KLHL14: variants seen among roughly 807,000 people sequenced by gnomAD.
The protein encoded by KLHL14 is kelch like family member 14.
In KLHL14, 22 loss-of-function variants were observed where a neutral mutation model predicts 64.3. The observed-to-expected ratio is 0.34, with a 90% CI of 0.24 to 0.49. KLHL14 has a LOEUF of 0.49. Ranked by LOEUF, KLHL14 falls within the 20% of genes least tolerant of loss-of-function variation. KLHL14 has a pLI of 0.99. For missense variants in KLHL14, 661 were observed against 789.0 expected (o/e 0.84, Z 1.94); for synonymous variants, 322 against 333.4 (o/e 0.97, Z 0.37).
At chr18:32,698,411 GCTGT>G (rs1350825929) in intron 3 of KLHL14, among the ~76,000 whole-genome samples, 4 of 152,140 alleles carry the variant, frequency 2.6e-5, no homozygotes, top group African/African-American at 2.4e-5. Flanking sequence ...GAGATTAAAG[GCTGT>G]CTAATTTTAC....
intron 3 of KLHL14, among the ~76,000 whole-genome samples, chr18:32,702,002 T>A (rs2049968455): frequency 6.6e-6 from 1 of 152,246 alleles, no homozygotes. Flanking sequence ...CTAGTTAAAA[T>A]CTAAATCTTC....
rs189055825 is a variant in KLHL14 at position 32,765,406 on chromosome 18, T to C, written c.947+4239A>G. Among the ~76,000 whole-genome samples, 639 of 152,320 alleles carry C rather than the reference T, an allele frequency of 4.2e-3. 5 individuals carry two copies. Among genetic ancestry groups the C allele is most frequent in the African/African-American group, 0.015 (614 of 41,576 alleles). The stretch of plus-strand genomic sequence containing the variant: ...CCTCTATTTCAATACAAGGCATTAG[T>C]ATCCTTTTTAATTGCCTTCTGATTG... On this transcript the variant is annotated intron_variant, in intron 2 of 8. Coordinates refer to ENST00000359358, the MANE Select transcript of KLHL14 (RefSeq NM_020805.3).
chr18:32,758,194 C>T (rs1257567057), intron 2 of KLHL14, among the ~76,000 whole-genome samples: 1 of 152,064 alleles, frequency 6.6e-6, no homozygotes, highest in Non-Finnish European at 1.5e-5. Context: ...CCGATCACAG[C>T]TCACTGCAGC....
At chr18:32,686,659 C>T (rs755449106) in intron 5 of KLHL14, among the ~76,000 whole-genome samples, 5 of 151,876 alleles carry the variant, frequency 3.3e-5, no homozygotes, top group Non-Finnish European at 5.9e-5. Flanking sequence ...ACAAAATTTA[C>T]TATTGAGATG....
At chr18:32,696,154 C>T (rs752129902) in intron 3 of KLHL14, among the ~76,000 whole-genome samples, 7 of 152,154 alleles carry the variant, frequency 4.6e-5, no homozygotes, top group Non-Finnish European at 7.3e-5. Flanking sequence ...GCAGCACAAT[C>T]GCACATTCTC....
chr18:32,746,166 C>A (rs943459754), intron 2 of KLHL14, among the ~76,000 whole-genome samples: 1 of 152,108 alleles, frequency 6.6e-6, no homozygotes, highest in Non-Finnish European at 1.5e-5. Context: ...TTTACCCAAC[C>A]CAGACCAAAG....
chr18:32,680,274 T>C lies in KLHL14; in HGVS notation c.1483A>G (p.Met495Val), dbSNP rs2144465688. ...VPWLYCYDPV[M>V]DVWARKQDMN... is the part of the protein sequence containing the mutation. ...TCTTGTTTTCGAGCCCAGACATCCA[T>C]TACTGGGTCATAGCAATATAGCCAT... Residue 495 changes from methionine to valine, a missense_variant, in exon 7 of 9, where the codon ATG becomes GTG. Met to Val is a conservative substitution (Grantham distance 21, BLOSUM62 1). Transcript: ENST00000359358. This position sits in a 1 kb window ranked among gnomAD's most constrained non-coding sequence, Gnocchi z 4.8. 6.2e-7 allele frequency: 1 copy of C among 1,613,944 alleles called. No homozygotes were observed. The highest frequency in any genetic ancestry group is 8.5e-7 in the Non-Finnish European group (1 of 1,179,840).
intron 3 of KLHL14, among the ~76,000 whole-genome samples, chr18:32,707,274 G>A (rs541837545): frequency 2.0e-5 from 3 of 152,336 alleles, no homozygotes; most frequent in South Asian, 2.1e-4. Context: ...GCTTTTCTTC[G>A]TTTGCCCCAC....
chr18:32,724,659 A>G (rs538825168), intron 3 of KLHL14, among the ~76,000 whole-genome samples: 1 of 152,308 alleles, frequency 6.6e-6, no homozygotes, highest in African/African-American at 2.4e-5. Context: ...ACAGAGCACA[A>G]TGTCTTGTGT....
At chr18:32,719,254 C>T (rs2050063247) in intron 3 of KLHL14, among the ~76,000 whole-genome samples, 1 of 152,230 alleles carries the variant, frequency 6.6e-6, no homozygotes, top group Non-Finnish European at 1.5e-5. Flanking sequence ...AGCTGGAAAC[C>T]TGCACTTTCA....
At chr18:32,765,760 T>C (rs2050339489) in intron 2 of KLHL14, among the ~76,000 whole-genome samples, 1 of 152,126 alleles carries the variant, frequency 6.6e-6, no homozygotes, top group Non-Finnish European at 1.5e-5. Context: ...GGAAATGTAA[T>C]GGCATTTTAA....
At chr18:32,731,001 G>T (rs1252939038) in intron 3 of KLHL14, among the ~76,000 whole-genome samples, 1 of 152,094 alleles carries the variant, frequency 6.6e-6, no homozygotes, top group Non-Finnish European at 1.5e-5. Flanking sequence ...CTTAATCCCA[G>T]CTAAATGTGG....
intron 4 of KLHL14, among the ~76,000 whole-genome samples, chr18:32,690,902 T>A (rs569003713): frequency 6.6e-6 from 1 of 152,064 alleles, no homozygotes; most frequent in Admixed American, 6.6e-5. Context: ...TGAGTTTTAT[T>A]TGGGGACATA....
At chr18:32,758,889 C>T (rs1041157923) in intron 2 of KLHL14, among the ~76,000 whole-genome samples, 1 of 152,232 alleles carries the variant, frequency 6.6e-6, no homozygotes, top group African/African-American at 2.4e-5. Flanking sequence ...AGGCAAATCT[C>T]CGGTGACAGA....
At chr18:32,705,515 G>A (rs575179580) in intron 3 of KLHL14, among the ~76,000 whole-genome samples, 33 of 152,288 alleles carry the variant, frequency 2.2e-4, no homozygotes, top group South Asian at 6.2e-4. Context: ...TTGAGGCCAC[G>A]AGTTTGAGAC....
chr18:32,698,276 G>A (rs369841877), intron 3 of KLHL14, among the ~76,000 whole-genome samples: 4 of 152,186 alleles, frequency 2.6e-5, no homozygotes, highest in Non-Finnish European at 4.4e-5. Context: ...CAAGTGCCTC[G>A]CCCTCGCAAG....
At chr18:32,736,968 AT>A (rs912735389) in intron 3 of KLHL14, among the ~76,000 whole-genome samples, 5 of 152,034 alleles carry the variant, frequency 3.3e-5, no homozygotes, top group Admixed American at 2.0e-4. Flanking sequence ...GAGAGGAGAG[AT>A]TATCTTATGC....
chr18:32,708,746 CTT>C lies in KLHL14; in HGVS notation c.1070-13196_1070-13195del, dbSNP rs201023929. On this transcript the variant is annotated intron_variant, in intron 3 of 8. Transcript: ENST00000359358. The stretch of plus-strand genomic sequence containing the variant: ...TCACACTGGAGCTGAAAGGAGAACA[CTT>C]TCTTTTCTGATCACAAATCCTGGAG... 5.4e-3 allele frequency among the ~76,000 whole-genome samples: 815 copies of C among 152,294 alleles called. 29 individuals are homozygous for C. The highest frequency in any genetic ancestry group is 0.048 in the Admixed American group (732 of 15,296).
At chr18:32,751,452 C>G (rs565545873) in intron 2 of KLHL14, among the ~76,000 whole-genome samples, 1 of 152,272 alleles carries the variant, frequency 6.6e-6, no homozygotes, top group Admixed American at 6.5e-5. Context: ...GGAAAAGGGG[C>G]TTAGGCAGCT....
Sources: gnomAD v4.1 joint callset for allele counts (sites outside exome capture counted in the v4.1 genomes callset) on GRCh38, gnomAD v4.1.1 for gene constraint, Gnocchi (gnomAD v3.1) non-coding constraint, MANE v1.5 for transcripts, NCBI Gene and HGNC (gene_info 2026-07-23, HGNC 2026-07-21) for gene names.